Variants in ATP2B2 observed in about 807,000 individuals in gnomAD.
The protein encoded by ATP2B2 is ATPase plasma membrane Ca2+ transporting 2, also known as plasma membrane calcium-transporting ATPase 2.
ATP2B2 carries 15 observed loss-of-function variants against 120.0 expected under a neutral mutation model. The observed-to-expected ratio is 0.12, with a 90% CI of 0.08 to 0.19. The LOEUF is 0.19. ATP2B2 is among the 10% of genes least tolerant of loss of function. The probability of loss-of-function intolerance (pLI) is 1.00; values close to 1 mark genes in which losing one functional copy is unlikely to be tolerated. For synonymous variants in ATP2B2, 694 were observed against 700.3 expected (o/e 0.99, Z 0.14); for missense variants, 1,045 against 1,719.8 (o/e 0.61, Z 6.94).
At chr3:10,595,661 T>C (rs2068748759) in intron 2 of ATP2B2, among the ~76,000 whole-genome samples, 1 of 152,202 alleles carries the variant, frequency 6.6e-6, no homozygotes, top group Non-Finnish European at 1.5e-5. Flanking sequence ...TGCGCTTCCA[T>C]TAAGCATATT....
rs142988035 is a variant in ATP2B2 at position 10,607,386 on chromosome 3, C to T, written c.-415+12531G>A. On this transcript the variant is annotated intron_variant, in intron 2 of 21. Coordinates refer to the ATP2B2 transcript ENST00000646379. The stretch of plus-strand genomic sequence containing the variant: ...CCTGGACCTTAGAAACCATTGCTCC[C>T]TGACATTTCCATTTCTCCTAAGCCA... 3.5e-3 allele frequency among the ~76,000 whole-genome samples: 538 copies of T among 152,304 alleles called. 1 individual carries two copies. Among genetic ancestry groups the T allele is most frequent in the Middle Eastern group, 0.02 (6 of 294 alleles).
chr3:10,355,167 G>A (rs2060680155), intron 14 of ATP2B2, among the ~76,000 whole-genome samples: 1 of 152,188 alleles, frequency 6.6e-6, no homozygotes, highest in Non-Finnish European at 1.5e-5. Context: ...GAATCAACAC[G>A]TCTGAGCTCT....
At chr3:10,544,941 A>C (rs2067512960) in intron 2 of ATP2B2, among the ~76,000 whole-genome samples, 1 of 152,206 alleles carries the variant, frequency 6.6e-6, no homozygotes, top group African/African-American at 2.4e-5. Context: ...GAATGTCTCC[A>C]GCAGTATTGT....
chr3:10,482,739 G>A (rs146678529), intron 1 of ATP2B2, among the ~76,000 whole-genome samples: 2 of 152,216 alleles, frequency 1.3e-5, no homozygotes, highest in African/African-American at 2.4e-5. Context: ...CTGAGAGTGA[G>A]GAAGTCTGAA....
In ATP2B2 at chr3:10,338,239, C is replaced by T. The variant is rs35678; in HGVS notation, c.3357G>A (p.Ala1119=). ...TCTGGCCCCGCCGCAGCTCCCGCTC[C>T]GCGTGGTCGATCTCCTCCACGTCCT... ...LNEDVEEIDH[A]ERELRRGQIL... Residue 1119 remains alanine, a synonymous_variant, in exon 22 of 23, where the codon GCG becomes GCA. Coordinates refer to ENST00000360273, the MANE Select transcript of ATP2B2 (RefSeq NM_001001331.4). 720,591 of 1,613,952 alleles carry T rather than the reference C, an allele frequency of 0.45. 166,020 individuals are homozygous for T. Among genetic ancestry groups the T allele is most frequent in the Admixed American group, 0.65 (39,152 of 60,024 alleles).
chr3:10,511,243 A>G (rs1439003577), intron 3 of ATP2B2, among the ~76,000 whole-genome samples: 1 of 152,012 alleles, frequency 6.6e-6, no homozygotes. Flanking sequence ...CTCCTCCATG[A>G]AGCCTTCCTT....
chr3:10,410,042 A>G (rs1378807199), intron 3 of ATP2B2, among the ~76,000 whole-genome samples: 1 of 152,218 alleles, frequency 6.6e-6, no homozygotes, highest in Non-Finnish European at 1.5e-5. Context: ...GGGCCTGACA[A>G]CGATGTTTTC....
intron 2 of ATP2B2, among the ~76,000 whole-genome samples, chr3:10,578,420 G>A (rs1023048288): frequency 6.6e-6 from 1 of 151,924 alleles, no homozygotes; most frequent in South Asian, 2.1e-4. Context: ...GGTGGCACGT[G>A]CCTGTAGTCC....
chr3:10,472,138 G>A (rs996124763), intron 1 of ATP2B2, among the ~76,000 whole-genome samples: 11 of 151,950 alleles, frequency 7.2e-5, no homozygotes, highest in Non-Finnish European at 1.2e-4. Context: ...GGGAGAGGGA[G>A]GGACGCAGAG....
intron 3 of ATP2B2, among the ~76,000 whole-genome samples, chr3:10,526,861 G>A (rs2067106924): frequency 6.6e-6 from 1 of 152,138 alleles, no homozygotes; most frequent in South Asian, 2.1e-4. Context: ...CATGATGATA[G>A]TGATGATGGT....
At chr3:10,497,375 G>A (rs2066195192) in intron 1 of ATP2B2, among the ~76,000 whole-genome samples, 1 of 152,252 alleles carries the variant, frequency 6.6e-6, no homozygotes, top group Non-Finnish European at 1.5e-5. Flanking sequence ...GGGCAAACCA[G>A]CATGCCTCTT....
At chr3:10,646,682 C>T (rs1378273836) in intron 1 of ATP2B2, among the ~76,000 whole-genome samples, 3 of 152,010 alleles carry the variant, frequency 2.0e-5, no homozygotes, top group South Asian at 2.1e-4. Context: ...AAGCAGAGTG[C>T]GTTACATAAT....
At chr3:10,535,132 G>A (rs1221249077) in intron 2 of ATP2B2, among the ~76,000 whole-genome samples, 1 of 151,988 alleles carries the variant, frequency 6.6e-6, no homozygotes, top group Non-Finnish European at 1.5e-5. Context: ...TCCAACTCCT[G>A]AGTTTAGGTG....
chr3:10,412,856 C>T (rs1437792218), intron 2 of ATP2B2, among the ~76,000 whole-genome samples: 3 of 152,118 alleles, frequency 2.0e-5, no homozygotes, highest in Admixed American at 6.5e-5. Context: ...AGCGGGGCAA[C>T]GACAGTCCTG....
At chr3:10,576,091 C>T (rs1356955433) in intron 2 of ATP2B2, among the ~76,000 whole-genome samples, 3 of 152,184 alleles carry the variant, frequency 2.0e-5, no homozygotes, top group Non-Finnish European at 4.4e-5. Flanking sequence ...TTGCCTAGGC[C>T]CTACAGCTAG....
At chr3:10,659,173 G>T (rs1460077932) in intron 1 of ATP2B2, among the ~76,000 whole-genome samples, 1 of 152,204 alleles carries the variant, frequency 6.6e-6, no homozygotes, top group Non-Finnish European at 1.5e-5. Flanking sequence ...ATGCTAGGAA[G>T]AAACTGCATC....
chr3:10,378,582 T>A (rs1267061038), intron 9 of ATP2B2, among the ~76,000 whole-genome samples, 172 bp from the exon 10 acceptor site: 2 of 152,204 alleles, frequency 1.3e-5, no homozygotes, highest in Non-Finnish European at 2.9e-5. Flanking sequence ...GGGGCCTGCC[T>A]CTTCCAGCCG....
intron 2 of ATP2B2, among the ~76,000 whole-genome samples, chr3:10,423,117 C>A (rs1200158960): frequency 2.6e-5 from 4 of 152,150 alleles, no homozygotes; most frequent in African/African-American, 9.7e-5. Flanking sequence ...ATATAGGATA[C>A]CCAGAGAAAT....
chr3:10,558,852 G>C (rs2067838758), intron 2 of ATP2B2, among the ~76,000 whole-genome samples: 1 of 152,112 alleles, frequency 6.6e-6, no homozygotes, highest in African/African-American at 2.4e-5. Context: ...GACAGGAGAG[G>C]GGAGGGGAGG....
Sources: allele counts gnomAD v4.1 joint callset (sites outside exome capture counted in the v4.1 genomes callset), GRCh38; gene constraint gnomAD v4.1.1; transcripts MANE v1.5; gene names NCBI Gene and HGNC (gene_info 2026-07-23, HGNC 2026-07-21).